The following OTOF variants were observed in gnomAD, a reference collection of about 807,000 sequenced individuals.
The protein encoded by OTOF is fer-1-like family member 2.
Under a neutral mutation model 236.8 loss-of-function variants are expected in OTOF, and 218 were observed. That is an observed-to-expected ratio of 0.92 (90% CI 0.82 to 1.03). The LOEUF is 1.03. Ranked by LOEUF, OTOF falls within the 50% of genes least tolerant of loss-of-function variation. The pLI is 0.00. For missense variants in OTOF, 2,590 were observed against 2,694.4 expected, an observed-to-expected ratio of 0.96 and a Z score of 0.86; for synonymous variants, 1,041 against 1,072.5, an observed-to-expected ratio of 0.97 and a Z score of 0.57.
At position 26,458,227 on chromosome 2, in the gene OTOF, A is replaced by C. The variant is rs1340070288; in HGVS notation, c.*18-7T>G. On this transcript the variant is annotated splice_polypyrimidine_tract_variant and splice_region_variant and intron_variant, in intron 46 of 46. Transcript: ENST00000272371. ...GAAGGCCGTGTCGGGCCGGCTGGGA[A>C]GTGGAAGAGAGGAGCCGGTCAGCCA... 11 of 1,568,638 alleles carry C rather than the reference A, an allele frequency of 7.0e-6. No individual in the cohort carries two copies. In the African/African-American group the frequency reaches 1.4e-4, roughly 19 times the overall value.
At chr2:26,459,369 A>G (rs951631240) in intron 46 of OTOF, among the ~76,000 whole-genome samples, 8 of 152,034 alleles carry the variant, frequency 5.3e-5, no homozygotes, top group Admixed American at 2.6e-4. Context: ...TGGCTAACAC[A>G]GTGAAACCCC....
chr2:26,523,238 G>A (rs928727625), intron 3 of OTOF, among the ~76,000 whole-genome samples: 7 of 152,220 alleles, frequency 4.6e-5, no homozygotes, highest in African/African-American at 1.2e-4. Flanking sequence ...CTTCTGAACC[G>A]AACATTTCTT....
chr2:26,552,741 G>C (rs1211477785), intron 1 of OTOF, among the ~76,000 whole-genome samples: 1 of 152,204 alleles, frequency 6.6e-6, no homozygotes, highest in Non-Finnish European at 1.5e-5. Flanking sequence ...GAGGGGGACT[G>C]AGTGTGCTGT....
At position 26,466,472 on chromosome 2, in the gene OTOF, G is replaced by A. The variant is rs537082100; in HGVS notation, c.4500+242C>T. ...CTGCCTCAGCCTCCTCAGTAGCTGG[G>A]ATTACAGGTGCGTGGCACTGTGCCT... On this transcript the variant is annotated intron_variant, in intron 36 of 46. Coordinates refer to ENST00000272371, the MANE Select transcript of OTOF (RefSeq NM_194248.3). The A allele has an allele frequency of 2.2e-4, 121 of 558,414 alleles. 1 individual carries two copies. In the South Asian group the frequency reaches 2.2e-3, roughly 10 times the overall value. 34.6% of individuals were successfully genotyped at this position (558,414 alleles called of 1,614,324 possible). A position where few individuals can be genotyped will look rare whatever the true frequency, so the allele number is the denominator to read the frequency against.
At chr2:26,537,242 T>C (rs1667093156) in intron 2 of OTOF, among the ~76,000 whole-genome samples, 1 of 152,194 alleles carries the variant, frequency 6.6e-6, no homozygotes, top group South Asian at 2.1e-4. Flanking sequence ...GGTGGGGTGC[T>C]TGACAATGTT....
intron 5 of OTOF, among the ~76,000 whole-genome samples, chr2:26,508,218 G>C (rs987581350): frequency 6.6e-6 from 1 of 152,190 alleles, no homozygotes; most frequent in African/African-American, 2.4e-5. Context: ...GAGAAATAGG[G>C]TCTGTGGTCC....
rs1422490776 is a variant in OTOF at position 26,459,653 on chromosome 2, C to T, written c.*17+355G>A. On this transcript the variant is annotated intron_variant, in intron 46 of 46. Coordinates refer to ENST00000272371, the MANE Select transcript of OTOF (RefSeq NM_194248.3). ...GAACACAGGATTGGAAATTTGGAAA[C>T]CTTGGCTTGAGTCCCGGCTCTACCC... is the stretch of plus-strand genomic sequence containing the variant. Among the ~76,000 whole-genome samples, 4 of 151,916 alleles carry T rather than the reference C, an allele frequency of 2.6e-5. 1 individual carries two copies. Among genetic ancestry groups the T allele is most frequent in the Non-Finnish European group, 5.9e-5 (4 of 67,986 alleles).
Position 26,473,891 on chromosome 2 carries a change from C to T in OTOF, c.3408+100G>A. On this transcript the variant is annotated intron_variant, in intron 27 of 46. Transcript: ENST00000272371. The surrounding 1 kb of genome is among the most constrained non-coding windows in gnomAD (Gnocchi z 7.2). ...GGCAGGAGCCTGGGTCTGCTGCTGG[C>T]TCCTGGTGATGGTGGTGGGAGGGGG... The T allele has an allele frequency of 2.0e-6, 3 of 1,508,684 alleles. No individual in the cohort carries two copies. Among genetic ancestry groups the T allele is most frequent in the Non-Finnish European group, 2.8e-6 (3 of 1,086,376 alleles). The allele number at this position is 1,508,684 out of a possible 1,614,324, so 93.5% of individuals were successfully genotyped here. A position where few individuals can be genotyped will look rare whatever the true frequency, so the allele number is the denominator to read the frequency against.
At chr2:26,523,108 C>T (rs1466337282) in intron 3 of OTOF, among the ~76,000 whole-genome samples, 1 of 152,260 alleles carries the variant, frequency 6.6e-6, no homozygotes, top group East Asian at 1.9e-4. Flanking sequence ...TGCGAGGCCT[C>T]TCCTGCTGTC....
chr2:26,558,374 C>A, intron 1 of OTOF, 119 bp downstream of exon 1: 2 of 864,624 alleles, frequency 2.3e-6, no homozygotes, highest in Non-Finnish European at 4.0e-6. Flanking sequence ...GTCGCCCCAG[C>A]CCCTGCTAGA....
intron 1 of OTOF, 56 bp downstream of exon 1, chr2:26,558,437 C>G: frequency 6.7e-7 from 1 of 1,493,510 alleles, no homozygotes; most frequent in Non-Finnish European, 9.3e-7. Context: ...ACCTCCAGAG[C>G]ATGGGCTGGT....
At chr2:26,459,896 T>G in intron 46 of OTOF, 112 bp downstream of exon 46, 2 of 1,033,552 alleles carry the variant, frequency 1.9e-6, no homozygotes, top group South Asian at 1.5e-5. Context: ...TTGTGTGTGT[T>G]TGTGTGCACA....
At chr2:26,538,573 G>A (rs1393216230) in intron 1 of OTOF, among the ~76,000 whole-genome samples, 8 of 152,222 alleles carry the variant, frequency 5.3e-5, no homozygotes, top group African/African-American at 1.7e-4. Context: ...CCCAAGATGT[G>A]GGGAGAAATA....
chr2:26,468,647 G>A (rs1042693182), intron 32 of OTOF, among the ~76,000 whole-genome samples, 173 bp from the exon 33 acceptor site: 6 of 152,154 alleles, frequency 3.9e-5, no homozygotes, highest in African/African-American at 1.4e-4. Flanking sequence ...AGTTTATAAT[G>A]TGTACAGTGT....
At chr2:26,537,812 T>C in intron 1 of OTOF, 38 bp from the exon 2 acceptor site, 1 of 1,465,560 alleles carries the variant, frequency 6.8e-7, no homozygotes. Flanking sequence ...GGGTCAGAGC[T>C]GTCCAGACGA....
chr2:26,514,811 T>G (rs549099754), intron 5 of OTOF, among the ~76,000 whole-genome samples: 1 of 152,284 alleles, frequency 6.6e-6, no homozygotes, highest in East Asian at 1.9e-4. Context: ...CTGATGGCCC[T>G]TGTGTGGCTT....
chr2:26,468,402 G>A lies in OTOF; in HGVS notation c.4090+6C>T. On this transcript the variant is annotated splice_donor_region_variant and intron_variant, in intron 33 of 46. Coordinates refer to ENST00000272371, the MANE Select transcript of OTOF (RefSeq NM_194248.3). ...AGGAGGCAGAGTTCCAGGTTCCAGG[G>A]CTCACCCTCGGTATTGTCCACTTCC... The A allele has an allele frequency of 6.2e-7, 1 of 1,612,028 alleles. No individual in the cohort carries two copies. The highest frequency in any genetic ancestry group is 8.5e-7 in the Non-Finnish European group (1 of 1,178,134).
At chr2:26,547,849 A>G (rs1667371205) in intron 1 of OTOF, among the ~76,000 whole-genome samples, 1 of 152,192 alleles carries the variant, frequency 6.6e-6, no homozygotes, top group African/African-American at 2.4e-5. Flanking sequence ...TCAAAAAAAG[A>G]AAAAAAGAAT....
At chr2:26,506,374 T>C (rs559716608) in intron 5 of OTOF, among the ~76,000 whole-genome samples, 1 of 152,230 alleles carries the variant, frequency 6.6e-6, no homozygotes, top group Non-Finnish European at 1.5e-5. Context: ...CCTTTGCCAT[T>C]GCAGCCTGCT....
Sources: allele counts gnomAD v4.1 joint callset (sites outside exome capture counted in the v4.1 genomes callset), GRCh38; gene constraint gnomAD v4.1.1; non-coding constraint Gnocchi (gnomAD v3.1); transcripts MANE v1.5; gene names NCBI Gene and HGNC (gene_info 2026-07-23, HGNC 2026-07-21).